Variants in PDSS2 observed in about 807,000 individuals in gnomAD.
PDSS2 encodes the protein decaprenyl diphosphate synthase subunit 2.
Under a neutral mutation model 44.5 loss-of-function variants are expected in PDSS2, and 31 were observed. That is an observed-to-expected ratio of 0.70 (90% CI 0.52 to 0.94). PDSS2 has a LOEUF of 0.94. Among genes scored for constraint, PDSS2 ranks in the 40% least tolerant of loss-of-function variants. The pLI is 0.00. For synonymous variants in PDSS2, 157 were observed against 180.3 expected, an observed-to-expected ratio of 0.87 and a Z score of 1.03; for missense variants, 452 against 482.2, an observed-to-expected ratio of 0.94 and a Z score of 0.59.
intron 1 of PDSS2, among the ~76,000 whole-genome samples, chr6:107,416,520 A>T (rs376527820): frequency 2.0e-5 from 3 of 152,234 alleles, no homozygotes; most frequent in Non-Finnish European, 4.4e-5. Flanking sequence ...TGACTAAGAT[A>T]GCTTACTATA....
chr6:107,175,407 T>C (rs1771753961), intron 7 of PDSS2, among the ~76,000 whole-genome samples: 1 of 152,186 alleles, frequency 6.6e-6, no homozygotes, highest in Non-Finnish European at 1.5e-5. Context: ...TGAGTTCTTG[T>C]TCTTAACCAA....
At chr6:107,427,473 C>G (rs186918559) in intron 1 of PDSS2, among the ~76,000 whole-genome samples, 1 of 152,108 alleles carries the variant, frequency 6.6e-6, no homozygotes, top group South Asian at 2.1e-4. Context: ...TTTGAGAGAG[C>G]CTTTATGAAA....
At chr6:107,155,581 CTT>C (rs398066143) in intron 7 of PDSS2, among the ~76,000 whole-genome samples, 18 of 136,614 alleles carry the variant, frequency 1.3e-4, no homozygotes, top group Admixed American at 2.2e-4. Flanking sequence ...CTGAATGTTA[CTT>C]TTTTTTTTTT....
chr6:107,384,823 G>A (rs893878159), intron 1 of PDSS2, among the ~76,000 whole-genome samples: 3 of 151,962 alleles, frequency 2.0e-5, no homozygotes, highest in Admixed American at 6.6e-5. Context: ...GGTGCTTTCC[G>A]TCTGACTGAT....
At chr6:107,367,680 G>A (rs1287961532) in intron 1 of PDSS2, among the ~76,000 whole-genome samples, 1 of 152,020 alleles carries the variant, frequency 6.6e-6, no homozygotes, top group East Asian at 1.9e-4. Flanking sequence ...CAGCTACTCA[G>A]GAGGCTGAAG....
At position 107,201,942 on chromosome 6, in the gene PDSS2, C is replaced by T. The variant is rs554333166; in HGVS notation, c.1009-8088G>A. Reference sequence around the variant, plus strand: ...TGTTTTCCCCCTTTCTCTCCATGACCATTTATTATTTGAGAGTAAGTTTTA... The same window carrying T: ...TGTTTTCCCCCTTTCTCTCCATGACTATTTATTATTTGAGAGTAAGTTTTA... On this transcript the variant is annotated intron_variant, in intron 6 of 7. Coordinates refer to ENST00000369037, the MANE Select transcript of PDSS2 (RefSeq NM_020381.4). Among the ~76,000 whole-genome samples, 23 of 152,264 alleles carry T rather than the reference C, an allele frequency of 1.5e-4. No homozygotes were observed. The South Asian group carries it at 2.7e-3, about 18-fold the overall frequency.
At chr6:107,294,949 A>T (rs1438194145) in intron 2 of PDSS2, among the ~76,000 whole-genome samples, 3 of 151,734 alleles carry the variant, frequency 2.0e-5, no homozygotes, top group Non-Finnish European at 2.9e-5. Flanking sequence ...CTTTTTTTTG[A>T]GATGGAGTCT....
intron 7 of PDSS2, among the ~76,000 whole-genome samples, chr6:107,160,144 A>C (rs897532420): frequency 6.6e-6 from 1 of 152,184 alleles, no homozygotes; most frequent in East Asian, 1.9e-4. Flanking sequence ...TGAACTCAGG[A>C]AGTGGAGGTT....
intron 2 of PDSS2, among the ~76,000 whole-genome samples, chr6:107,289,171 G>A (rs1316978197): frequency 2.7e-5 from 4 of 150,784 alleles, no homozygotes; most frequent in African/African-American, 9.7e-5. Context: ...TCAGCAGTTC[G>A]AGACCAGTCT....
At position 107,153,915 on chromosome 6, in the gene PDSS2, A is replaced by T. The variant is rs541056013; in HGVS notation, c.*704T>A. 1 of 152,610 alleles carries T rather than the reference A, an allele frequency of 6.6e-6. No individual in the cohort carries two copies. Among genetic ancestry groups the T allele is most frequent in the East Asian group, 1.9e-4 (1 of 5,182 alleles). The allele number at this position is 152,610 out of a possible 1,614,324, so 9.5% of individuals were successfully genotyped here. A position where few individuals can be genotyped will look rare whatever the true frequency, so the allele number is the denominator to read the frequency against. On this transcript the variant is annotated 3_prime_UTR_variant, in exon 8 of 8. Transcript: ENST00000369037. ...ACATAGTGAAACCCCATCTCTACTAAAAATACAAAATTAGCCAGGCGTGGT... is the reference window on the plus strand; with the variant it reads ...ACATAGTGAAACCCCATCTCTACTATAAATACAAAATTAGCCAGGCGTGGT...
At chr6:107,191,683 C>A (rs1442972073) in intron 7 of PDSS2, among the ~76,000 whole-genome samples, 1 of 152,198 alleles carries the variant, frequency 6.6e-6, no homozygotes, top group Non-Finnish European at 1.5e-5. Flanking sequence ...ATGATCTCAG[C>A]TCACTGAAAC....
At chr6:107,361,824 G>A (rs961068190) in intron 1 of PDSS2, among the ~76,000 whole-genome samples, 5 of 152,210 alleles carry the variant, frequency 3.3e-5, no homozygotes, top group African/African-American at 1.2e-4. Flanking sequence ...TAGAACTGCT[G>A]AACTTCAGAG....
At chr6:107,347,227 T>G (rs1778274829) in intron 1 of PDSS2, among the ~76,000 whole-genome samples, 1 of 151,336 alleles carries the variant, frequency 6.6e-6, no homozygotes, top group South Asian at 2.1e-4. Context: ...AATAGTCAAC[T>G]TCCATACAAT....
At chr6:107,418,326 C>A (rs890378743) in intron 1 of PDSS2, among the ~76,000 whole-genome samples, 2 of 152,170 alleles carry the variant, frequency 1.3e-5, no homozygotes, top group African/African-American at 4.8e-5. Flanking sequence ...TCAAAGGATG[C>A]AGGCAGCCTC....
chr6:107,251,387 C>G (rs1432323416), intron 3 of PDSS2, among the ~76,000 whole-genome samples: 1 of 152,198 alleles, frequency 6.6e-6, no homozygotes, highest in Non-Finnish European at 1.5e-5. Flanking sequence ...GGATTTACTA[C>G]AGTGTGGAAT....
intron 2 of PDSS2, among the ~76,000 whole-genome samples, chr6:107,305,304 C>G (rs1290751705): frequency 6.6e-6 from 1 of 152,154 alleles, no homozygotes; most frequent in East Asian, 1.9e-4. Context: ...CGGTCCCCCT[C>G]CAGCACTTGG....
chr6:107,264,579 T>C, intron 3 of PDSS2: 1 of 1,005,998 alleles, frequency 9.9e-7, no homozygotes. Context: ...ATTATATATG[T>C]AAAGTAAAAG....
At chr6:107,388,447 A>ATT (rs147100917) in intron 1 of PDSS2, among the ~76,000 whole-genome samples, 4,450 of 137,216 alleles carry the variant, frequency 0.032, 158 homozygotes, top group African/African-American at 0.066. Context: ...GTGCATGTGA[A>ATT]TTTTTTTTTT....
chr6:107,386,311 T>C (rs1052918441), intron 1 of PDSS2, among the ~76,000 whole-genome samples: 4 of 152,024 alleles, frequency 2.6e-5, no homozygotes, highest in African/African-American at 7.2e-5. Context: ...AATTCAAACT[T>C]TGTGATATTA....
Sources: gnomAD v4.1 joint callset for allele counts (sites outside exome capture counted in the v4.1 genomes callset) on GRCh38, gnomAD v4.1.1 for gene constraint, MANE v1.5 for transcripts, NCBI Gene and HGNC (gene_info 2026-07-23, HGNC 2026-07-21) for gene names.